The following NSD1 variants were observed in gnomAD, a reference collection of about 807,000 sequenced individuals.
NSD1 encodes nuclear receptor binding SET domain protein 1, also known as histone-lysine N-methyltransferase, H3 lysine-36 specific.
NSD1 carries 26 observed loss-of-function variants against 242.7 expected under a neutral mutation model. The ratio of observed to expected loss-of-function variants is 0.11; its 90% CI spans 0.08 to 0.15. NSD1 has a LOEUF of 0.15. Among genes scored for constraint, NSD1 ranks in the 10% least tolerant of loss-of-function variants. The pLI is 1.00. For missense variants in NSD1, 2,495 were observed against 3,272.8 expected (o/e 0.76, Z 5.80); for synonymous variants, 1,106 against 1,178.1 (o/e 0.94, Z 1.25).
intron 5 of NSD1, among the ~76,000 whole-genome samples, chr5:177,234,388 A>G (rs760857778): frequency 7.2e-5 from 11 of 152,178 alleles, no homozygotes; most frequent in Non-Finnish European, 1.6e-4. Context: ...GTGTTCATTC[A>G]TAACAGAAAA....
At position 177,246,745 on chromosome 5, in the gene NSD1, G is replaced by A; in HGVS notation, c.4446G>A (p.Gln1482=). ...AGAGGCATGCTGCAGCCAAGATGCAGTGTAAAAAAGTGAAAAATGATGACT... is the reference window on the plus strand; with the variant it reads ...AGAGGCATGCTGCAGCCAAGATGCAATGTAAAAAAGTGAAAAATGATGACT... ...KRQRHAAAKM[Q]CKKVKNDDSS... is the part of the protein sequence containing the mutation. Residue 1482 remains glutamine, a synonymous_variant, in exon 10 of 23, where the codon CAG becomes CAA. Coordinates refer to ENST00000439151, the MANE Select transcript of NSD1 (RefSeq NM_022455.5). 1 of 1,614,110 alleles carries A rather than the reference G, an allele frequency of 6.2e-7. No individual in the cohort carries two copies. Among genetic ancestry groups the A allele is most frequent in the Non-Finnish European group, 8.5e-7 (1 of 1,179,978 alleles).
intron 4 of NSD1, among the ~76,000 whole-genome samples, chr5:177,204,851 A>G (rs1250460683): frequency 6.6e-6 from 1 of 151,908 alleles, no homozygotes; most frequent in Non-Finnish European, 1.5e-5. Context: ...ATTTATACTA[A>G]ATTTTTTGAT....
At chr5:177,258,276 G>A (rs1014577980) in intron 13 of NSD1, among the ~76,000 whole-genome samples, 7 of 150,956 alleles carry the variant, frequency 4.6e-5, no homozygotes, top group Admixed American at 2.6e-4. Context: ...CACTGCGCCC[G>A]GCCGGCCATT....
In NSD1 at chr5:177,300,082, T is replaced by C. The variant is rs1760522490; in HGVS notation, c.*4623T>C. 6.9e-6 allele frequency: 1 copy of C among 145,352 alleles called. No individual in the cohort carries two copies. The highest frequency in any genetic ancestry group is 3.3e-4 in the South Asian group (1 of 3,018). 9.0% of individuals were successfully genotyped at this position (145,352 alleles called of 1,614,324 possible). A position where few individuals can be genotyped will look rare whatever the true frequency, so the allele number is the denominator to read the frequency against. On this transcript the variant is annotated 3_prime_UTR_variant, in exon 23 of 23. Transcript: ENST00000439151. ...GCCCCCCCCCCCCCGCCCCCATAGA[T>C]TGTCAGCTGTAAGTGAAACTCCTAG... is the stretch of plus-strand genomic sequence containing the variant.
Position 177,238,207 on chromosome 5 carries a change from G to A in NSD1, c.3922-30G>A. On this transcript the variant is annotated intron_variant, in intron 6 of 22. Transcript: ENST00000439151. This position sits in a 1 kb window ranked among gnomAD's most constrained non-coding sequence, Gnocchi z 4.6. ...ACTTAAATTACAACAATTTTGGCCTGTGGACTCTATTTTTATTTTTTGTTC... is the reference window on the plus strand; with the variant it reads ...ACTTAAATTACAACAATTTTGGCCTATGGACTCTATTTTTATTTTTTGTTC... 3 of 1,613,750 alleles carry A rather than the reference G, an allele frequency of 1.9e-6. No homozygotes were observed. The highest frequency in any genetic ancestry group is 2.5e-6 in the Non-Finnish European group (3 of 1,179,746).
At chr5:177,286,797 C>T (rs541710341) in intron 20 of NSD1, among the ~76,000 whole-genome samples, 18 of 152,342 alleles carry the variant, frequency 1.2e-4, no homozygotes, top group African/African-American at 4.1e-4. Context: ...GGGATGCCCT[C>T]CTCTGCCATG....
intron 11 of NSD1, 133 bp from the exon 12 acceptor site, chr5:177,251,597 T>C: frequency 1.2e-6 from 1 of 818,168 alleles, no homozygotes; most frequent in Admixed American, 2.2e-5. Context: ...AATCTACAAC[T>C]ACGGGCCCTT....
At position 177,134,747 on chromosome 5, in the gene NSD1, C is replaced by T. The variant is rs116419640; in HGVS notation, c.-17-340C>T. The stretch of plus-strand genomic sequence containing the variant: ...TTTGAGAGATCCAGCTGCTCGACCC[C>T]TGGCGAGGGAGGGGGAGGACTAGTC... On this transcript the variant is annotated intron_variant, in intron 1 of 22. Coordinates refer to ENST00000439151, the MANE Select transcript of NSD1 (RefSeq NM_022455.5). This position sits in a 1 kb window ranked among gnomAD's most constrained non-coding sequence, Gnocchi z 4.2. Among the ~76,000 whole-genome samples, 650 of 152,326 alleles carry T rather than the reference C, an allele frequency of 4.3e-3. 3 individuals carry two copies. Among genetic ancestry groups the T allele is most frequent in the African/African-American group, 0.014 (594 of 41,564 alleles).
At chr5:177,237,755 G>A (rs761584912) in intron 6 of NSD1, among the ~76,000 whole-genome samples, 34 of 151,884 alleles carry the variant, frequency 2.2e-4, no homozygotes, top group Non-Finnish European at 3.5e-4. Context: ...GGATGGTCTT[G>A]ATCTCCTGAC....
At chr5:177,289,313 T>A (rs970757396) in intron 21 of NSD1, among the ~76,000 whole-genome samples, 1 of 151,332 alleles carries the variant, frequency 6.6e-6, no homozygotes, top group Non-Finnish European at 1.5e-5. Flanking sequence ...ACAGCAAGAC[T>A]CCTTCTCAAA....
chr5:177,148,144 T>G (rs1264272053), intron 2 of NSD1, among the ~76,000 whole-genome samples: 1 of 151,632 alleles, frequency 6.6e-6, no homozygotes, highest in East Asian at 1.9e-4. Context: ...TGAGAGGGAG[T>G]TTCGATCTTG....
intron 2 of NSD1, among the ~76,000 whole-genome samples, chr5:177,156,262 C>T (rs896257641): frequency 4.2e-5 from 6 of 141,236 alleles, no homozygotes; most frequent in Admixed American, 1.5e-4. Flanking sequence ...CTCACTGCAA[C>T]CTCTGCCTCC....
intron 8 of NSD1, among the ~76,000 whole-genome samples, chr5:177,240,137 CTTTTCTGGG>C (rs1189514221): frequency 6.6e-6 from 1 of 152,082 alleles, no homozygotes; most frequent in Non-Finnish European, 1.5e-5. Flanking sequence ...GTTATAATTT[CTTTTCTGGG>C]TTCAAATCCT....
chr5:177,276,243 T>C (rs1758371135), intron 17 of NSD1, among the ~76,000 whole-genome samples: 2 of 152,206 alleles, frequency 1.3e-5, no homozygotes, highest in South Asian at 4.1e-4. Flanking sequence ...AATTTTATTC[T>C]TTTAAATAAG....
In NSD1 at chr5:177,297,227, TCTC is replaced by T. The variant is rs750844270; in HGVS notation, c.*1772_*1774del. 8 of 232,478 alleles carry T rather than the reference TCTC, an allele frequency of 3.4e-5. No homozygotes were observed. The East Asian group carries it at 4.9e-4, about 14-fold the overall frequency. 14.4% of individuals were successfully genotyped at this position (232,478 alleles called of 1,614,324 possible). A position where few individuals can be genotyped will look rare whatever the true frequency, so the allele number is the denominator to read the frequency against. Reference sequence around the variant, plus strand: ...CCTGCATTTCACTGAGACCTCGGAATCTCCTCTGTGAATTCCACCTGCCTAGTT... The same window carrying T: ...CCTGCATTTCACTGAGACCTCGGAATCTCTGTGAATTCCACCTGCCTAGTT... On this transcript the variant is annotated 3_prime_UTR_variant, in exon 23 of 23. Transcript: ENST00000439151.
At chr5:177,205,282 C>T (rs995742491) in intron 4 of NSD1, among the ~76,000 whole-genome samples, 2 of 152,102 alleles carry the variant, frequency 1.3e-5, no homozygotes, top group Admixed American at 6.6e-5. Context: ...GTGATCAACT[C>T]GCCTCAGCCT....
At chr5:177,253,796 T>C (rs1756200023) in intron 12 of NSD1, among the ~76,000 whole-genome samples, 1 of 152,068 alleles carries the variant, frequency 6.6e-6, no homozygotes, top group African/African-American at 2.4e-5. Flanking sequence ...CATGCCTGGC[T>C]AATTTTTTAA....
chr5:177,160,933 T>C (rs1162287706), intron 2 of NSD1, among the ~76,000 whole-genome samples: 1 of 151,830 alleles, frequency 6.6e-6, no homozygotes. Context: ...CACGCCCAGC[T>C]AATTTTTGTG....
intron 5 of NSD1, among the ~76,000 whole-genome samples, chr5:177,231,456 T>C (rs764335690): frequency 4.6e-5 from 7 of 152,210 alleles, no homozygotes; most frequent in Non-Finnish European, 1.0e-4. Flanking sequence ...AGGTTATTAT[T>C]ATTTTTTGAG....
Sources: allele counts gnomAD v4.1 joint callset (sites outside exome capture counted in the v4.1 genomes callset), GRCh38; gene constraint gnomAD v4.1.1; non-coding constraint Gnocchi (gnomAD v3.1); transcripts MANE v1.5; gene names NCBI Gene and HGNC (gene_info 2026-07-23, HGNC 2026-07-21).